Variants in NDUFAF2 observed in about 807,000 individuals in gnomAD.
NDUFAF2 encodes NADH:ubiquinone oxidoreductase complex assembly factor 2.
NDUFAF2 carries 13 observed loss-of-function variants against 22.8 expected under a neutral mutation model. That is an observed-to-expected ratio of 0.57 (90% confidence interval 0.37 to 0.91). The LOEUF (loss-of-function observed/expected upper bound fraction) is 0.91. NDUFAF2 is among the 40% of genes least tolerant of loss of function. The probability of loss-of-function intolerance (pLI) is 0.01; values close to 1 mark genes in which losing one functional copy is unlikely to be tolerated. For missense variants in NDUFAF2, 162 were observed against 195.2 expected, an observed-to-expected ratio of 0.83 and a Z score of 1.01; for synonymous variants, 53 against 64.2, an observed-to-expected ratio of 0.83 and a Z score of 0.84.
chr5:61,022,029 T>C (rs1217647069), intron 1 of NDUFAF2, among the ~76,000 whole-genome samples: 1 of 152,172 alleles, frequency 6.6e-6, no homozygotes, highest in Non-Finnish European at 1.5e-5. Context: ...TGGCCTTCAA[T>C]TGGTTGGATG....
chr5:61,027,853 T>C (rs1201292098), intron 1 of NDUFAF2, among the ~76,000 whole-genome samples: 1 of 152,036 alleles, frequency 6.6e-6, no homozygotes, highest in Admixed American at 6.6e-5. Context: ...CCTGCCCATA[T>C]GTATTTTTTG....
intron 1 of NDUFAF2, among the ~76,000 whole-genome samples, chr5:60,946,656 T>C (rs190683586): frequency 1.3e-5 from 2 of 152,356 alleles, no homozygotes; most frequent in Admixed American, 1.3e-4. Flanking sequence ...TTTTTTTAAA[T>C]TGAAATATAA....
intron 1 of NDUFAF2, among the ~76,000 whole-genome samples, chr5:60,958,726 G>A (rs1469618486): frequency 6.6e-6 from 1 of 152,014 alleles, no homozygotes; most frequent in Non-Finnish European, 1.5e-5. Flanking sequence ...CACAGAAAAT[G>A]GTTTTTCTGT....
At chr5:61,031,609 T>C (rs1421177991) in intron 1 of NDUFAF2, among the ~76,000 whole-genome samples, 1 of 152,196 alleles carries the variant, frequency 6.6e-6, no homozygotes, top group Admixed American at 6.5e-5. Context: ...CCACATTTTC[T>C]TTATCCAGTC....
chr5:61,112,035 G>A (rs1344215445), intron 3 of NDUFAF2, among the ~76,000 whole-genome samples: 1 of 152,074 alleles, frequency 6.6e-6, no homozygotes, highest in Non-Finnish European at 1.5e-5. Context: ...GGGATTACAG[G>A]CGTGAGCCAT....
At chr5:61,015,524 C>T (rs1751496814) in intron 1 of NDUFAF2, among the ~76,000 whole-genome samples, 1 of 152,118 alleles carries the variant, frequency 6.6e-6, no homozygotes, top group Non-Finnish European at 1.5e-5. Context: ...TCAAGTGATC[C>T]TCTCACCTCG....
intron 1 of NDUFAF2, among the ~76,000 whole-genome samples, chr5:60,949,340 A>G (rs1346253316): frequency 2.0e-5 from 3 of 152,216 alleles, no homozygotes; most frequent in Non-Finnish European, 2.9e-5. Context: ...TCTATTCAGC[A>G]TAATGCCTTT....
At chr5:61,097,924 A>G (rs1195989611) in intron 2 of NDUFAF2, among the ~76,000 whole-genome samples, 1 of 152,330 alleles carries the variant, frequency 6.6e-6, no homozygotes, top group African/African-American at 2.4e-5. Context: ...TATTTCTTCA[A>G]TTTTGTAGTG....
Position 61,099,192 on chromosome 5 carries a change from T to G in NDUFAF2, c.258+160T>G, listed in dbSNP as rs114549188. ...AATAAATTAATATATAAACCTATAT[T>G]ATTAATAAAATAATATATGATAAAA... On this transcript the variant is annotated intron_variant, in intron 3 of 3. Transcript: ENST00000296597. Among the ~76,000 whole-genome samples the G allele has an allele frequency of 0.015, 2,232 of 150,510 alleles. 28 individuals are homozygous for G. Among genetic ancestry groups the G allele is most frequent in the South Asian group, 0.039 (186 of 4,806 alleles).
chr5:60,985,750 C>G (rs1278705388), intron 1 of NDUFAF2, among the ~76,000 whole-genome samples: 1 of 152,074 alleles, frequency 6.6e-6, no homozygotes, highest in Non-Finnish European at 1.5e-5. Flanking sequence ...TTAAAACCAT[C>G]AGATCTCAGG....
chr5:60,965,857 G>A (rs115079615), intron 1 of NDUFAF2, among the ~76,000 whole-genome samples: 2,008 of 152,192 alleles, frequency 0.013, 48 homozygotes, highest in African/African-American at 0.046. Context: ...TTGGCATACT[G>A]ATTTCATTTC....
At chr5:61,083,672 C>T (rs868188631) in intron 2 of NDUFAF2, among the ~76,000 whole-genome samples, 17 of 151,694 alleles carry the variant, frequency 1.1e-4, no homozygotes, top group Admixed American at 9.9e-4. Context: ...GCCACCCCTC[C>T]GGCCTGTAGT....
intron 1 of NDUFAF2, among the ~76,000 whole-genome samples, chr5:61,020,042 A>G (rs777835985): frequency 3.1e-4 from 47 of 152,226 alleles, no homozygotes; most frequent in Admixed American, 6.5e-4. Flanking sequence ...ATCCATTTTG[A>G]TAATATATGT....
chr5:61,145,450 A>G (rs539945282), intron 3 of NDUFAF2, among the ~76,000 whole-genome samples: 1 of 152,360 alleles, frequency 6.6e-6, no homozygotes, highest in Non-Finnish European at 1.5e-5. Context: ...TTCAAACATT[A>G]AATACATGCA....
At position 60,971,565 on chromosome 5, in the gene NDUFAF2, G is replaced by T. The variant is rs1437380262; in HGVS notation, c.127+26183G>T. ...GCCTCCCAAAGTGCTGGGATTACAG[G>T]CGTGAGCCACCGCGCCCGGCATATC... On this transcript the variant is annotated intron_variant, in intron 1 of 3. Coordinates refer to ENST00000296597, the MANE Select transcript of NDUFAF2 (RefSeq NM_174889.5). Among the ~76,000 whole-genome samples the T allele has an allele frequency of 2.6e-5, 4 of 152,208 alleles. No homozygotes were observed. The South Asian group carries it at 6.2e-4, about 24-fold the overall frequency.
chr5:61,015,182 T>C (rs1751489979), intron 1 of NDUFAF2, among the ~76,000 whole-genome samples: 1 of 152,160 alleles, frequency 6.6e-6, no homozygotes, highest in Non-Finnish European at 1.5e-5. Flanking sequence ...AATGGTAGAG[T>C]CTTTTAAAAA....
chr5:61,048,947 CGTT>C (rs1421273250), intron 1 of NDUFAF2, among the ~76,000 whole-genome samples: 4 of 152,136 alleles, frequency 2.6e-5, no homozygotes, highest in East Asian at 1.9e-4. Flanking sequence ...GGTTATGTCT[CGTT>C]GTTTTTGACA....
chr5:60,996,706 A>C (rs1357021709), intron 1 of NDUFAF2, among the ~76,000 whole-genome samples: 2 of 152,166 alleles, frequency 1.3e-5, no homozygotes, highest in African/African-American at 2.4e-5. Flanking sequence ...ACTTAAGTTC[A>C]AACTGCTGGG....
intron 2 of NDUFAF2, among the ~76,000 whole-genome samples, chr5:61,094,250 G>C (rs1752607135): frequency 6.6e-6 from 1 of 152,098 alleles, no homozygotes. Flanking sequence ...CAAACTCTGA[G>C]ATCCTTTCCT....
Sources: allele counts gnomAD v4.1 joint callset (sites outside exome capture counted in the v4.1 genomes callset), GRCh38; gene constraint gnomAD v4.1.1; transcripts MANE v1.5; gene names NCBI Gene and HGNC (gene_info 2026-07-23, HGNC 2026-07-21).